The following COX7B2 variants were observed in gnomAD, a reference collection of about 807,000 sequenced individuals.
The protein encoded by COX7B2 is cytochrome c oxidase subunit 7B2, mitochondrial.
For synonymous variants in COX7B2, 37 were observed against 32.1 expected, an observed-to-expected ratio of 1.15 and a Z score of -0.51; for missense variants, 109 against 95.9, an observed-to-expected ratio of 1.14 and a Z score of -0.57.
intron 2 of COX7B2, among the ~76,000 whole-genome samples, chr4:46,815,069 C>T (rs1387954479): frequency 2.6e-5 from 4 of 151,980 alleles, no homozygotes; most frequent in African/African-American, 9.7e-5. Flanking sequence ...GCCTGTAGTC[C>T]CAGCTACTCA....
intron 1 of COX7B2, among the ~76,000 whole-genome samples, chr4:46,887,916 A>G (rs1379264577): frequency 1.3e-5 from 2 of 152,068 alleles, no homozygotes; most frequent in African/African-American, 2.4e-5. Flanking sequence ...TCTCCTAGAC[A>G]TGGTTCACTC....
chr4:46,901,587 C>T (rs1169544605), intron 1 of COX7B2, among the ~76,000 whole-genome samples: 2 of 152,166 alleles, frequency 1.3e-5, no homozygotes, highest in Non-Finnish European at 2.9e-5. Flanking sequence ...GCTAGTAAAA[C>T]ATTATTTCTA....
intron 2 of COX7B2, among the ~76,000 whole-genome samples, chr4:46,816,133 C>G (rs1719539845): frequency 6.6e-6 from 1 of 152,170 alleles, no homozygotes; most frequent in Non-Finnish European, 1.5e-5. Context: ...TACCCTACAA[C>G]TATTACAGCC....
chr4:46,880,198 G>T (rs1454970112), intron 1 of COX7B2, among the ~76,000 whole-genome samples: 1 of 152,030 alleles, frequency 6.6e-6, no homozygotes, highest in African/African-American at 2.4e-5. Flanking sequence ...GAGGATTTTT[G>T]CATCAATGTA....
At chr4:46,772,180 T>C (rs775941432) in intron 2 of COX7B2, among the ~76,000 whole-genome samples, 1 of 151,990 alleles carries the variant, frequency 6.6e-6, no homozygotes, top group Non-Finnish European at 1.5e-5. Flanking sequence ...CTAAGTGCAA[T>C]AAACCAGGCA....
At chr4:46,908,632 T>G (rs1187898267) in intron 1 of COX7B2, among the ~76,000 whole-genome samples, 1 of 151,638 alleles carries the variant, frequency 6.6e-6, no homozygotes, top group Non-Finnish European at 1.5e-5. Context: ...CTTTTAATTT[T>G]CCTTTTACTC....
At chr4:46,769,808 T>TA (rs1283995877) in intron 2 of COX7B2, among the ~76,000 whole-genome samples, 8 of 151,874 alleles carry the variant, frequency 5.3e-5, no homozygotes, top group East Asian at 1.9e-4. Flanking sequence ...CTTGTCATGA[T>TA]AAAAAAAACA....
At position 46,734,923 on chromosome 4, in the gene COX7B2, C is replaced by T; in HGVS notation, c.*24G>A. Reference sequence around the variant, plus strand: ...TGACAAGTTGGTTTTTTAAACAATTCTGTCATTACAGCAACTGTGATGGTT... The same window carrying T: ...TGACAAGTTGGTTTTTTAAACAATTTTGTCATTACAGCAACTGTGATGGTT... On this transcript the variant is annotated 3_prime_UTR_variant, in exon 3 of 3. Coordinates refer to ENST00000355591, the MANE Select transcript of COX7B2 (RefSeq NM_130902.3). 6.2e-7 allele frequency: 1 copy of T among 1,613,518 alleles called. No homozygotes were observed. Among genetic ancestry groups the T allele is most frequent in the Non-Finnish European group, 8.5e-7 (1 of 1,179,686 alleles).
At position 46,878,277 on chromosome 4, in the gene COX7B2, G is replaced by T. The variant is rs536797347; in HGVS notation, c.-105+30883C>A. Among the ~76,000 whole-genome samples, 255 of 151,796 alleles carry T rather than the reference G, an allele frequency of 1.7e-3. 5 individuals are homozygous for T. The highest frequency in any genetic ancestry group is 5.7e-3 in the African/African-American group (237 of 41,372). The stretch of plus-strand genomic sequence containing the variant: ...GGAAAAGGGGAGAAAAAAGTCAAAG[G>T]GTATGAACTTTCAGTTATATAGGAT... On this transcript the variant is annotated intron_variant, in intron 1 of 2. Transcript: ENST00000355591.
At chr4:46,760,022 C>A (rs1716053657) in intron 2 of COX7B2, among the ~76,000 whole-genome samples, 2 of 151,910 alleles carry the variant, frequency 1.3e-5, no homozygotes, top group South Asian at 4.1e-4. Flanking sequence ...GAAACAAGAA[C>A]AGTTCAGCTC....
intron 2 of COX7B2, among the ~76,000 whole-genome samples, chr4:46,763,223 T>G (rs1315085856): frequency 1.5e-5 from 2 of 137,870 alleles, no homozygotes; most frequent in East Asian, 2.0e-4. Flanking sequence ...TAATATATAT[T>G]CATATATATT....
At chr4:46,775,449 T>C (rs923617605) in intron 2 of COX7B2, among the ~76,000 whole-genome samples, 4 of 152,172 alleles carry the variant, frequency 2.6e-5, no homozygotes, top group Non-Finnish European at 4.4e-5. Context: ...TACATTTTCC[T>C]GAAGTATATG....
At chr4:46,835,998 T>C (rs772671120) in intron 2 of COX7B2, among the ~76,000 whole-genome samples, 2 of 152,114 alleles carry the variant, frequency 1.3e-5, no homozygotes, top group Non-Finnish European at 1.5e-5. Flanking sequence ...AAAAATATGG[T>C]ATAAAAGATA....
chr4:46,740,418 C>T (rs1714635021), intron 2 of COX7B2, among the ~76,000 whole-genome samples: 1 of 151,782 alleles, frequency 6.6e-6, no homozygotes, highest in African/African-American at 2.4e-5. Context: ...TATTAAGCTC[C>T]CAATATAATG....
At chr4:46,776,507 G>A (rs79714539) in intron 2 of COX7B2, among the ~76,000 whole-genome samples, 19 of 151,926 alleles carry the variant, frequency 1.3e-4, no homozygotes, top group South Asian at 4.2e-4. Context: ...AGCAAGATAC[G>A]CACTGTTGTA....
At chr4:46,788,158 A>C (rs1717849569) in intron 2 of COX7B2, among the ~76,000 whole-genome samples, 1 of 152,236 alleles carries the variant, frequency 6.6e-6, no homozygotes, top group South Asian at 2.1e-4. Context: ...ACAAAGTATG[A>C]GATAAGAAAG....
chr4:46,754,728 G>GTATATATATATATATATATATATGTGTA, intron 2 of COX7B2, among the ~76,000 whole-genome samples: 1 of 39,868 alleles, frequency 2.5e-5, no homozygotes, highest in South Asian at 2.0e-3. Context: ...GTGTGTGTGT[G>GTATATATATATATATATATATATGTGTA]TATATATATA....
intron 2 of COX7B2, among the ~76,000 whole-genome samples, chr4:46,753,467 A>T (rs939977402): frequency 2.0e-5 from 3 of 151,834 alleles, no homozygotes; most frequent in African/African-American, 7.3e-5. Flanking sequence ...TGGGGAAAGG[A>T]TTCCCTGTTT....
chr4:46,809,491 G>T (rs1445400957), intron 2 of COX7B2, among the ~76,000 whole-genome samples: 4 of 151,662 alleles, frequency 2.6e-5, no homozygotes, highest in Non-Finnish European at 4.4e-5. Context: ...TTTGTCTCAA[G>T]ATATTTTTTT....
Sources: gnomAD v4.1 joint callset for allele counts (sites outside exome capture counted in the v4.1 genomes callset) on GRCh38, gnomAD v4.1.1 for gene constraint, MANE v1.5 for transcripts, NCBI Gene and HGNC (gene_info 2026-07-23, HGNC 2026-07-21) for gene names.